The following HTR2A variants were observed in gnomAD, a reference collection of about 807,000 sequenced individuals.
HTR2A encodes 5-HT2 receptor.
Under a neutral mutation model 31.0 loss-of-function variants are expected in HTR2A, and 14 were observed. That is an observed-to-expected ratio of 0.45 (90% CI 0.30 to 0.71). HTR2A has a LOEUF of 0.71. HTR2A is among the 30% of genes least tolerant of loss of function. The pLI is 0.09. For synonymous variants in HTR2A, 209 were observed against 225.2 expected (o/e 0.93, Z 0.64); for missense variants, 442 against 573.3 (o/e 0.77, Z 2.34).
intron 3 of HTR2A, among the ~76,000 whole-genome samples, chr13:46,860,529 G>A (rs760355415): frequency 6.6e-6 from 1 of 152,148 alleles, no homozygotes; most frequent in Non-Finnish European, 1.5e-5. Flanking sequence ...TCTCTTTCAA[G>A]GAGAGAGAAG....
Position 46,895,397 on chromosome 13 carries a change from T to C in HTR2A, c.412+98A>G, listed in dbSNP as rs1318016724. Reference sequence around the variant, plus strand: ...GTCTATAAACAAAGACTTCTATTTATAGTTTGTTTGCCCCCTGAGCCCCAT... The same window carrying C: ...GTCTATAAACAAAGACTTCTATTTACAGTTTGTTTGCCCCCTGAGCCCCAT... On this transcript the variant is annotated intron_variant, in intron 2 of 3. Coordinates refer to ENST00000542664, the MANE Select transcript of HTR2A (RefSeq NM_000621.5). This position sits in a 1 kb window ranked among gnomAD's most constrained non-coding sequence, Gnocchi z 4.4. 2 of 1,028,188 alleles carry C rather than the reference T, an allele frequency of 1.9e-6. No individual in the cohort carries two copies. Among genetic ancestry groups the C allele is most frequent in the Non-Finnish European group, 2.8e-6 (2 of 708,878 alleles). 63.7% of individuals were successfully genotyped at this position (1,028,188 alleles called of 1,614,324 possible).
rs968518269 is a variant in HTR2A at position 46,832,880 on chromosome 13, C to CAT, written c.*1955_*1956dup. On this transcript the variant is annotated 3_prime_UTR_variant, in exon 4 of 4. Coordinates refer to ENST00000542664, the MANE Select transcript of HTR2A (RefSeq NM_000621.5). ...AATAGAAATGCTTCAGCATTGTAATCATATATATAACATTGATTCTAATAA... is the reference window on the plus strand; with the variant it reads ...AATAGAAATGCTTCAGCATTGTAATCATATATATATAACATTGATTCTAATAA... 9 of 152,210 alleles carry CAT rather than the reference C, an allele frequency of 5.9e-5. No individual in the cohort carries two copies. Among genetic ancestry groups the CAT allele is most frequent in the African/African-American group, 2.2e-4 (9 of 41,542 alleles). 9.4% of individuals were successfully genotyped at this position (152,210 alleles called of 1,614,324 possible).
intron 3 of HTR2A, among the ~76,000 whole-genome samples, chr13:46,881,423 G>C (rs958670870): frequency 1.3e-5 from 2 of 152,210 alleles, no homozygotes; most frequent in African/African-American, 2.4e-5. Context: ...TCAGCTGCAG[G>C]CTGGGGCAGT....
chr13:46,872,089 G>A (rs1226500523), intron 3 of HTR2A, among the ~76,000 whole-genome samples: 1 of 152,084 alleles, frequency 6.6e-6, no homozygotes, highest in East Asian at 1.9e-4. Flanking sequence ...TTTTTACTCT[G>A]ACCAATTTGG....
chr13:46,854,801 C>T (rs184554708), intron 3 of HTR2A, among the ~76,000 whole-genome samples: 9 of 152,286 alleles, frequency 5.9e-5, no homozygotes, highest in Non-Finnish European at 8.8e-5. Flanking sequence ...TCCCTACCCA[C>T]CCTGTTATGG....
Position 46,882,039 on chromosome 13 carries a change from A to G in HTR2A, c.613+10351T>C, listed in dbSNP as rs576826380. On this transcript the variant is annotated intron_variant, in intron 3 of 3. Transcript: ENST00000542664. ...TGCTTGTATACATTCACTTCATTCC[A>G]TATAGAATTTGAGGTTGCTCATAAA... Among the ~76,000 whole-genome samples the G allele has an allele frequency of 5.3e-4, 81 of 152,306 alleles. 1 individual carries two copies. The highest frequency in any genetic ancestry group is 4.2e-3 in the South Asian group (20 of 4,814).
At chr13:46,877,239 C>T (rs764247398) in intron 3 of HTR2A, among the ~76,000 whole-genome samples, 30 of 152,230 alleles carry the variant, frequency 2.0e-4, no homozygotes, top group Non-Finnish European at 4.1e-4. Flanking sequence ...CGGCAGAACT[C>T]GGCTTAGATG....
In HTR2A at chr13:46,835,566, G is replaced by A. The variant is rs141413930; in HGVS notation, c.687C>T (p.Leu229=). 3,018 of 1,614,012 alleles carry A rather than the reference G, an allele frequency of 1.9e-3. 6 individuals carry two copies. The highest frequency in any genetic ancestry group is 2.4e-3 in the Non-Finnish European group (2,776 of 1,179,934). Residue 229 remains leucine, a synonymous_variant, in exon 4 of 4, where the codon CTC becomes CTT. Transcript: ENST00000542664. The stretch of plus-strand genomic sequence containing the variant: ...CGATCAGGACAAAGTTATCATCGGC[G>A]AGTAAGCAACTCCCCTCCTTAAAGA... ...SKVFKEGSCL[L]ADDNFVLIGS...
rs1411694954 is a variant in HTR2A at position 46,831,562 on chromosome 13, C to T, written c.*3275G>A. On this transcript the variant is annotated 3_prime_UTR_variant, in exon 4 of 4. Coordinates refer to ENST00000542664, the MANE Select transcript of HTR2A (RefSeq NM_000621.5). ...CAAAATTCATTCATTTTTGAGTCTA[C>T]TTTATTTACAGTTATTTATCCTTTC... The T allele has an allele frequency of 1.3e-5, 2 of 152,226 alleles. No individual in the cohort carries two copies. The highest frequency in any genetic ancestry group is 2.9e-5 in the Non-Finnish European group (2 of 68,024). The allele number at this position is 152,226 out of a possible 1,614,324, so 9.4% of individuals were successfully genotyped here. A position where few individuals can be genotyped will look rare whatever the true frequency, so the allele number is the denominator to read the frequency against.
intron 3 of HTR2A, among the ~76,000 whole-genome samples, chr13:46,856,885 G>A (rs1202857191): frequency 6.6e-6 from 1 of 152,184 alleles, no homozygotes; most frequent in Non-Finnish European, 1.5e-5. Context: ...AGTTGAGTAG[G>A]AGGCATCTAT....
intron 3 of HTR2A, among the ~76,000 whole-genome samples, chr13:46,874,977 G>T (rs1287869242): frequency 6.6e-6 from 1 of 152,154 alleles, no homozygotes; most frequent in African/African-American, 2.4e-5. Flanking sequence ...TCTCTCAAAT[G>T]AAACAACTTT....
intron 3 of HTR2A, among the ~76,000 whole-genome samples, chr13:46,860,276 C>T (rs988695449): frequency 6.6e-6 from 1 of 152,132 alleles, no homozygotes; most frequent in Non-Finnish European, 1.5e-5. Context: ...CTTTCTGTTG[C>T]TATATAATAC....
At chr13:46,864,348 C>T (rs1453039278) in intron 3 of HTR2A, among the ~76,000 whole-genome samples, 1 of 152,108 alleles carries the variant, frequency 6.6e-6, no homozygotes, top group Non-Finnish European at 1.5e-5. Context: ...CAAACTTGTG[C>T]CATGACACAA....
intron 3 of HTR2A, among the ~76,000 whole-genome samples, chr13:46,886,064 A>G (rs1354370105): frequency 1.3e-5 from 2 of 152,122 alleles, no homozygotes; most frequent in African/African-American, 2.4e-5. Context: ...AACTTATATA[A>G]CTGTTTATGT....
At chr13:46,870,587 A>C (rs1050159766) in intron 3 of HTR2A, among the ~76,000 whole-genome samples, 3 of 152,208 alleles carry the variant, frequency 2.0e-5, no homozygotes, top group Admixed American at 6.5e-5. Context: ...AGGTTTTTAG[A>C]AAAAAGGATA....
intron 3 of HTR2A, among the ~76,000 whole-genome samples, chr13:46,843,448 T>C (rs1409061053): frequency 2.6e-5 from 4 of 152,166 alleles, no homozygotes; most frequent in Non-Finnish European, 5.9e-5. Context: ...TCTGTGTACC[T>C]ATAATACCCT....
At position 46,863,657 on chromosome 13, in the gene HTR2A, A is replaced by AAAAAAAAAAAG. The variant is rs1566309853; in HGVS notation, c.614-28019_614-28018insCTTTTTTTTTT. 1.0e-4 allele frequency among the ~76,000 whole-genome samples: 12 copies of AAAAAAAAAAAG among 118,262 alleles called. 1 individual carries two copies. The highest frequency in any genetic ancestry group is 1.0e-4 in the Non-Finnish European group (6 of 57,418). The allele number at this position is 118,262 out of a possible 152,430, so 77.6% of individuals were successfully genotyped here. A position where few individuals can be genotyped will look rare whatever the true frequency, so the allele number is the denominator to read the frequency against. On this transcript the variant is annotated intron_variant, in intron 3 of 3. Transcript: ENST00000542664. ...AAAAAAAAAAAAAAAAAAGAAAAAAAAAAAAGACAGTCATATGAAAAAAGC... is the reference window on the plus strand; with the variant it reads ...AAAAAAAAAAAAAAAAAAGAAAAAAAAAAAAAAAAAGAAAAAGACAGTCATATGAAAAAAGC...
intron 3 of HTR2A, among the ~76,000 whole-genome samples, chr13:46,891,996 G>A (rs1376818753): frequency 1.3e-5 from 2 of 152,132 alleles, no homozygotes; most frequent in Non-Finnish European, 2.9e-5. Context: ...AGAGCCCAGA[G>A]GCTTTATGTT....
At chr13:46,839,759 C>T (rs1485015364) in intron 3 of HTR2A, among the ~76,000 whole-genome samples, 1 of 152,174 alleles carries the variant, frequency 6.6e-6, no homozygotes, top group Non-Finnish European at 1.5e-5. Context: ...AACCTTGACA[C>T]CTAAGAACAC....
Sources: allele counts gnomAD v4.1 joint callset (sites outside exome capture counted in the v4.1 genomes callset), GRCh38; gene constraint gnomAD v4.1.1; non-coding constraint Gnocchi (gnomAD v3.1); transcripts MANE v1.5; gene names NCBI Gene and HGNC (gene_info 2026-07-23, HGNC 2026-07-21).